GABRB3: variants seen among roughly 807,000 people sequenced by gnomAD.
The protein encoded by GABRB3 is gamma-aminobutyric acid receptor subunit beta-3.
Under a neutral mutation model 52.1 loss-of-function variants are expected in GABRB3, and 14 were observed. That is an observed-to-expected ratio of 0.27 (90% CI 0.18 to 0.42). The LOEUF is 0.42. Ranked by LOEUF, GABRB3 falls within the 10% of genes least tolerant of loss-of-function variation. The pLI is 1.00. For synonymous variants in GABRB3, 260 were observed against 232.3 expected (o/e 1.12, Z -1.08); for missense variants, 307 against 609.1 (o/e 0.50, Z 5.22).
At chr15:26,667,699 C>A (rs1046953258) in intron 3 of GABRB3, among the ~76,000 whole-genome samples, 3 of 152,136 alleles carry the variant, frequency 2.0e-5, no homozygotes, top group African/African-American at 7.2e-5. Flanking sequence ...ATCTCCAGAC[C>A]GGCAGTATCA....
intron 3 of GABRB3, among the ~76,000 whole-genome samples, chr15:26,725,231 C>T (rs1056722005): frequency 2.0e-5 from 3 of 152,146 alleles, no homozygotes; most frequent in Non-Finnish European, 4.4e-5. Context: ...GGAGTTTCAA[C>T]TGACTGAATA....
Position 26,680,551 on chromosome 15 carries a change from T to A in GABRB3, c.241-59017A>T, listed in dbSNP as rs1017206243. Reference sequence around the variant, plus strand: ...TGACACATGGGAACACTGTTCGATATGTCTTCTGGAATAGATGATGCTTAC... The same window carrying A: ...TGACACATGGGAACACTGTTCGATAAGTCTTCTGGAATAGATGATGCTTAC... On this transcript the variant is annotated intron_variant, in intron 3 of 8. Coordinates refer to ENST00000311550, the MANE Select transcript of GABRB3 (RefSeq NM_000814.6). 5.0e-5 allele frequency among the ~76,000 whole-genome samples: 7 copies of A among 138,880 alleles called. No homozygotes were observed. The East Asian group carries it at 8.6e-4, about 17-fold the overall frequency. The allele number at this position is 138,880 out of a possible 152,430, so 91.1% of individuals were successfully genotyped here.
At chr15:26,692,757 T>C (rs1440653410) in intron 3 of GABRB3, among the ~76,000 whole-genome samples, 1 of 152,128 alleles carries the variant, frequency 6.6e-6, no homozygotes, top group African/African-American at 2.4e-5. Context: ...TTTCGTATTA[T>C]TTATACTGCT....
At chr15:26,582,808 G>A (rs1466792519) in intron 5 of GABRB3, among the ~76,000 whole-genome samples, 2 of 152,198 alleles carry the variant, frequency 1.3e-5, no homozygotes, top group South Asian at 2.1e-4. Context: ...GCCAGGAGGT[G>A]TAGTTTAGGT....
intron 3 of GABRB3, among the ~76,000 whole-genome samples, chr15:26,702,732 T>C (rs1245096894): frequency 2.0e-5 from 3 of 152,216 alleles, no homozygotes; most frequent in Non-Finnish European, 4.4e-5. Context: ...AATGAAAGCA[T>C]ATGTCTACAC....
chr15:26,739,561 C>T lies in GABRB3; in HGVS notation c.240+32841G>A, dbSNP rs533373100. Among the ~76,000 whole-genome samples, 32 of 151,970 alleles carry T rather than the reference C, an allele frequency of 2.1e-4. No homozygotes were observed. The South Asian group carries it at 2.5e-3, about 12-fold the overall frequency. ...AAATATTCACAATGCAAGGAGGGGC[C>T]GGTTTGGCAGGCAGGGTGAGCGTTC... On this transcript the variant is annotated intron_variant, in intron 3 of 8. Coordinates refer to ENST00000311550, the MANE Select transcript of GABRB3 (RefSeq NM_000814.6).
chr15:26,705,719 A>C (rs548897349), intron 3 of GABRB3, among the ~76,000 whole-genome samples: 13 of 152,314 alleles, frequency 8.5e-5, no homozygotes, highest in Non-Finnish European at 1.3e-4. Context: ...GGTGGACACG[A>C]GAGAGGAAGG....
Position 26,772,902 on chromosome 15 carries a change from C to G in GABRB3, c.61G>C (p.Val21Leu). The G allele has an allele frequency of 6.7e-7, 1 of 1,500,118 alleles. No individual in the cohort carries two copies. The highest frequency in any genetic ancestry group is 8.9e-7 in the Non-Finnish European group (1 of 1,124,202). The allele number at this position is 1,500,118 out of a possible 1,614,324, so 92.9% of individuals were successfully genotyped here. The change falls in exon 1 of 9, where the codon GTG (valine) becomes CTG (leucine). Residue 21 changes from valine to leucine, a missense_variant. Transcript: ENST00000311550. Reference sequence around the variant, plus strand: ...CCCTACCTCTGGGCGCAGCACACCACAGCCACCAGCACCGGGGCCGAGAAG... The same window carrying G: ...CCCTACCTCTGGGCGCAGCACACCAGAGCCACCAGCACCGGGGCCGAGAAG... Reference protein sequence around the residue: ...GIFSAPVLVAVVCCAQSVNDP... With the variant: ...GIFSAPVLVALVCCAQSVNDP...
intron 3 of GABRB3, among the ~76,000 whole-genome samples, chr15:26,680,664 T>C (rs547863738): frequency 6.6e-6 from 1 of 152,362 alleles, no homozygotes; most frequent in Non-Finnish European, 1.5e-5. Flanking sequence ...TTGACTGCAG[T>C]GTTAATCATT....
intron 3 of GABRB3, among the ~76,000 whole-genome samples, chr15:26,740,972 A>G (rs1405396410): frequency 6.6e-6 from 1 of 151,946 alleles, no homozygotes; most frequent in Non-Finnish European, 1.5e-5. Flanking sequence ...AGAATTTCAG[A>G]TGGGCCAGGA....
intron 4 of GABRB3, among the ~76,000 whole-genome samples, chr15:26,603,185 C>T (rs755074656): frequency 6.6e-6 from 1 of 151,838 alleles, no homozygotes; most frequent in African/African-American, 2.4e-5. Flanking sequence ...AATTTCTAGA[C>T]ACAACCTACC....
intron 4 of GABRB3, chr15:26,616,103 C>T: frequency 7.8e-7 from 1 of 1,285,110 alleles, no homozygotes; most frequent in Non-Finnish European, 1.0e-6. Context: ...GTTACACACA[C>T]TGGCCCACTC....
chr15:26,592,887 T>G (rs919796535), intron 4 of GABRB3, among the ~76,000 whole-genome samples: 1 of 152,106 alleles, frequency 6.6e-6, no homozygotes, highest in South Asian at 2.1e-4. Flanking sequence ...TGGTGGCACA[T>G]GCCTTTAGTC....
chr15:26,619,530 AG>A (rs1366958134), intron 4 of GABRB3, among the ~76,000 whole-genome samples: 5 of 65,082 alleles, frequency 7.7e-5, no homozygotes, highest in East Asian at 5.1e-4. Flanking sequence ...GGGTGGGGGG[AG>A]GGGGGAGGGA....
At position 26,576,604 on chromosome 15, in the gene GABRB3, T is replaced by G. The variant is rs898980114; in HGVS notation, c.682+3715A>C. 2.6e-5 allele frequency among the ~76,000 whole-genome samples: 4 copies of G among 151,892 alleles called. No homozygotes were observed. The South Asian group carries it at 8.3e-4, about 32-fold the overall frequency. On this transcript the variant is annotated intron_variant, in intron 6 of 8. Coordinates refer to ENST00000311550, the MANE Select transcript of GABRB3 (RefSeq NM_000814.6). ...ATCTGGAGAGATTTTAATGGAGAGA[T>G]AAAAAGCCAGTAAGAAATCTGTATC... is the stretch of plus-strand genomic sequence containing the variant.
chr15:26,738,140 T>C (rs753595832), intron 3 of GABRB3, among the ~76,000 whole-genome samples: 3 of 152,068 alleles, frequency 2.0e-5, no homozygotes, highest in Non-Finnish European at 2.9e-5. Context: ...TGGAGTGCAA[T>C]GGTGTGACCT....
At chr15:26,773,212 G>C (rs1056769866), upstream of GABRB3, 1 of 176,706 alleles carries the variant, frequency 5.7e-6, no homozygotes, top group African/African-American at 2.4e-5. Flanking sequence ...CCGCCGCGCC[G>C]CGCACCCTGC....
rs576382653 is a variant in GABRB3 at position 26,554,161 on chromosome 15, GTA to G, written c.1081-6029_1081-6028del. On this transcript the variant is annotated intron_variant, in intron 8 of 8. Coordinates refer to ENST00000311550, the MANE Select transcript of GABRB3 (RefSeq NM_000814.6). ...TATATAAAGTATATATATATATAAA[GTA>G]TATATATATAAAGTATATATATATA... Among the ~76,000 whole-genome samples, 135 of 21,264 alleles carry G rather than the reference GTA, an allele frequency of 6.3e-3. 8 individuals are homozygous for G. In the East Asian group the frequency reaches 0.12, roughly 19 times the overall value. The allele number at this position is 21,264 out of a possible 152,430, so 14.0% of individuals were successfully genotyped here. A position where few individuals can be genotyped will look rare whatever the true frequency, so the allele number is the denominator to read the frequency against.
intron 7 of GABRB3, among the ~76,000 whole-genome samples, chr15:26,562,927 C>T (rs1050973149): frequency 4.3e-4 from 66 of 152,332 alleles, no homozygotes; most frequent in African/African-American, 1.5e-3. Flanking sequence ...TCTCTTTTAA[C>T]ATCACATTCA....
Sources: allele counts gnomAD v4.1 joint callset (sites outside exome capture counted in the v4.1 genomes callset), GRCh38; gene constraint gnomAD v4.1.1; transcripts MANE v1.5; gene names NCBI Gene and HGNC (gene_info 2026-07-23, HGNC 2026-07-21).